The following SLC5A8 variants were observed in gnomAD, a reference collection of about 807,000 sequenced individuals.
SLC5A8 encodes sodium-coupled monocarboxylate transporter 1.
SLC5A8 carries 55 observed loss-of-function variants against 71.9 expected under a neutral mutation model. That is an observed-to-expected ratio of 0.77 (90% CI 0.62 to 0.96). The LOEUF is 0.96. SLC5A8 is among the 40% of genes least tolerant of loss of function. The probability of loss-of-function intolerance (pLI) is 0.00; values close to 1 mark genes in which losing one functional copy is unlikely to be tolerated. For synonymous variants in SLC5A8, 307 were observed against 276.1 expected (o/e 1.11, Z -1.11); for missense variants, 701 against 745.3 (o/e 0.94, Z 0.69).
At chr12:101,193,252 T>A (rs775631959) in intron 5 of SLC5A8, among the ~76,000 whole-genome samples, 5 of 152,180 alleles carry the variant, frequency 3.3e-5, no homozygotes, top group Non-Finnish European at 5.9e-5. Flanking sequence ...GGATTACAGG[T>A]GTGAGCCACT....
intron 9 of SLC5A8, among the ~76,000 whole-genome samples, chr12:101,181,651 A>G (rs1028364276): frequency 5.3e-5 from 8 of 152,222 alleles, no homozygotes; most frequent in African/African-American, 1.7e-4. Flanking sequence ...TAAATTAACA[A>G]AGCAAGACTG....
At chr12:101,158,951 C>T (rs200090932) in intron 13 of SLC5A8, among the ~76,000 whole-genome samples, 2 of 116,684 alleles carry the variant, frequency 1.7e-5, no homozygotes, top group African/African-American at 6.1e-5. Flanking sequence ...GTTTTCTTTA[C>T]AAAAAAAAAA....
chr12:101,184,018 T>C, intron 8 of SLC5A8, 116 bp downstream of exon 8: 1 of 950,060 alleles, frequency 1.1e-6, no homozygotes, highest in Non-Finnish European at 1.6e-6. Context: ...GCAGATTGCC[T>C]ACTTTGGGCC....
intron 10 of SLC5A8, among the ~76,000 whole-genome samples, chr12:101,179,224 C>T (rs144442433): frequency 6.6e-6 from 1 of 152,230 alleles, no homozygotes; most frequent in East Asian, 1.9e-4. Context: ...AAATGACATG[C>T]TCTGGAAAAT....
intron 5 of SLC5A8, among the ~76,000 whole-genome samples, chr12:101,191,471 GA>G (rs1476094097): frequency 6.6e-6 from 1 of 152,118 alleles, no homozygotes; most frequent in African/African-American, 2.4e-5. Flanking sequence ...CATTCTTATG[GA>G]AATGTGAGAG....
chr12:101,194,612 T>A (rs1460213872), intron 4 of SLC5A8, among the ~76,000 whole-genome samples: 4 of 152,032 alleles, frequency 2.6e-5, no homozygotes, highest in Non-Finnish European at 5.9e-5. Flanking sequence ...ACTACAGGTG[T>A]ATGCCACCAT....
At chr12:101,190,334 A>G (rs1868839516) in intron 6 of SLC5A8, 134 bp downstream of exon 6, 1 of 986,406 alleles carries the variant, frequency 1.0e-6, no homozygotes, top group Non-Finnish European at 1.5e-6. Flanking sequence ...TCCTTTTGTA[A>G]CCAAATATAT....
intron 4 of SLC5A8, among the ~76,000 whole-genome samples, chr12:101,194,029 G>C (rs12305787): frequency 6.6e-6 from 1 of 152,046 alleles, no homozygotes; most frequent in Non-Finnish European, 1.5e-5. Context: ...AAAACATAAA[G>C]GAGTGAAACT....
At chr12:101,165,393 A>G (rs34701351) in intron 12 of SLC5A8, among the ~76,000 whole-genome samples, 5 of 152,162 alleles carry the variant, frequency 3.3e-5, no homozygotes, top group African/African-American at 4.8e-5. Flanking sequence ...TTCTCACTTA[A>G]CCTTCAATTA....
chr12:101,203,890 T>C (rs1869561438), intron 2 of SLC5A8, among the ~76,000 whole-genome samples: 2 of 152,246 alleles, frequency 1.3e-5, no homozygotes, highest in Non-Finnish European at 2.9e-5. Flanking sequence ...TCAGTAGATC[T>C]ATAAGCGCAT....
intron 3 of SLC5A8, among the ~76,000 whole-genome samples, chr12:101,199,079 T>C (rs780903861): frequency 6.0e-4 from 91 of 151,906 alleles, no homozygotes; most frequent in Non-Finnish European, 1.0e-3. Flanking sequence ...AATATCAACA[T>C]ATAAAAGTCA....
chr12:101,184,515 A>G (rs1224142943), intron 7 of SLC5A8, among the ~76,000 whole-genome samples: 1 of 152,164 alleles, frequency 6.6e-6, no homozygotes, highest in African/African-American at 2.4e-5. Context: ...AACCTCATAG[A>G]GTTGCTGTAA....
chr12:101,168,107 CA>C lies in SLC5A8; in HGVS notation c.1308del (p.Phe436LeufsTer11). ...TTCTTTGTACTTACAATTGAGTTGG[CA>C]AAGGGAACCAAAATGCCCAAAGCGA... ...GLFALGILVP[F>X]ANSIGALVGL... On this transcript the variant is annotated frameshift_variant, in exon 11 of 15. Transcript: ENST00000536262. LOFTEE classifies it high-confidence loss of function. 1 of 1,608,070 alleles carries C rather than the reference CA, an allele frequency of 6.2e-7. No homozygotes were observed. Among genetic ancestry groups the C allele is most frequent in the Non-Finnish European group, 8.5e-7 (1 of 1,176,958 alleles).
Position 101,157,119 on chromosome 12 carries a change from T to C in SLC5A8, c.*160A>G. ...TCCAGAGTAACATCAATTAATGATG[T>C]AGTAAATGAAGATAGTCCAGACTTT... On this transcript the variant is annotated 3_prime_UTR_variant, in exon 15 of 15. Transcript: ENST00000536262. 3.0e-6 allele frequency: 2 copies of C among 674,604 alleles called. No individual in the cohort carries two copies. Among genetic ancestry groups the C allele is most frequent in the Admixed American group, 5.6e-5 (2 of 35,992 alleles). 41.8% of individuals were successfully genotyped at this position (674,604 alleles called of 1,614,324 possible). A position where few individuals can be genotyped will look rare whatever the true frequency, so the allele number is the denominator to read the frequency against.
At chr12:101,173,177 A>G (rs544833959) in intron 10 of SLC5A8, among the ~76,000 whole-genome samples, 33 of 152,328 alleles carry the variant, frequency 2.2e-4, no homozygotes, top group African/African-American at 7.5e-4. Flanking sequence ...ATTATCTTTA[A>G]AGATAGCCGC....
At chr12:101,161,237 C>T (rs1478536433) in intron 13 of SLC5A8, among the ~76,000 whole-genome samples, 4 of 152,126 alleles carry the variant, frequency 2.6e-5, no homozygotes, top group African/African-American at 9.7e-5. Context: ...TTTGTCTACT[C>T]TTTCTTGAGA....
At chr12:101,171,942 A>G (rs1215381453) in intron 10 of SLC5A8, among the ~76,000 whole-genome samples, 3 of 152,244 alleles carry the variant, frequency 2.0e-5, no homozygotes, top group Non-Finnish European at 4.4e-5. Flanking sequence ...AAGGAGTTGA[A>G]TGGACTCAGT....
chr12:101,159,936 A>G (rs993711043), intron 13 of SLC5A8, among the ~76,000 whole-genome samples: 24 of 152,114 alleles, frequency 1.6e-4, no homozygotes, highest in African/African-American at 5.1e-4. Context: ...AATCCCTACA[A>G]TTTGGGAGAC....
chr12:101,209,835 C>T lies in SLC5A8; in HGVS notation c.14G>A (p.Arg5Gln). The T allele has an allele frequency of 1.3e-6, 2 of 1,561,928 alleles. No homozygotes were observed. The highest frequency in any genetic ancestry group is 1.7e-6 in the Non-Finnish European group (2 of 1,151,676). ...CCACACCACGAAGGTGCCGATGCCC[C>T]GTGGCGTGTCCATGGCCGCACGGTC... MDTP[R>Q]GIGTFVVWDY... is the part of the protein sequence containing the mutation. The change falls in exon 1 of 15, where the codon CGG becomes CAG. Residue 5 changes from arginine (R) to glutamine (Q), a missense_variant. Transcript: ENST00000536262.
Sources: gnomAD v4.1 joint callset for allele counts (sites outside exome capture counted in the v4.1 genomes callset) on GRCh38, gnomAD v4.1.1 for gene constraint, MANE v1.5 for transcripts, NCBI Gene and HGNC (gene_info 2026-07-23, HGNC 2026-07-21) for gene names.